The following DLG2 variants were observed in gnomAD, a reference collection of about 807,000 sequenced individuals.
DLG2 encodes disks large homolog 2.
A neutral mutation model predicts 132.5 loss-of-function variants in DLG2; 45 were observed. The ratio of observed to expected loss-of-function variants is 0.34; its 90% CI spans 0.27 to 0.44. DLG2 has a LOEUF of 0.44. Ranked by LOEUF, DLG2 falls within the 20% of genes least tolerant of loss-of-function variation. The pLI is 1.00. For missense variants in DLG2, 1,045 were observed against 1,196.9 expected, an observed-to-expected ratio of 0.87 and a Z score of 1.87; for synonymous variants, 424 against 419.6, an observed-to-expected ratio of 1.01 and a Z score of -0.13.
intron 7 of DLG2, among the ~76,000 whole-genome samples, chr11:84,435,633 T>C (rs1037686703): frequency 2.6e-5 from 4 of 152,162 alleles, no homozygotes; most frequent in African/African-American, 9.7e-5. Context: ...AATTAAATAA[T>C]TTGAACCCTT....
chr11:84,643,505 T>C (rs935974897), intron 6 of DLG2, among the ~76,000 whole-genome samples: 1 of 152,312 alleles, frequency 6.6e-6, no homozygotes, highest in South Asian at 2.1e-4. Flanking sequence ...AAAATCATAA[T>C]GCAGGTTAGT....
At chr11:85,023,400 A>G (rs1309588280) in intron 6 of DLG2, among the ~76,000 whole-genome samples, 1 of 152,078 alleles carries the variant, frequency 6.6e-6, no homozygotes, top group Non-Finnish European at 1.5e-5. Flanking sequence ...TTACCAACTT[A>G]AAATTTGTGT....
chr11:85,296,182 G>A (rs1034679636), intron 3 of DLG2, among the ~76,000 whole-genome samples: 4 of 152,078 alleles, frequency 2.6e-5, no homozygotes, highest in African/African-American at 9.7e-5. Context: ...AATAGACTTT[G>A]GAGGAATCTT....
intron 4 of DLG2, among the ~76,000 whole-genome samples, chr11:85,245,234 A>G (rs1487772607): frequency 1.3e-5 from 2 of 151,960 alleles, no homozygotes; most frequent in African/African-American, 2.4e-5. Context: ...TAAATGTTAC[A>G]TCTTCTGTTG....
intron 22 of DLG2, among the ~76,000 whole-genome samples, chr11:83,482,683 C>T (rs960262631): frequency 2.0e-5 from 3 of 150,730 alleles, no homozygotes; most frequent in African/African-American, 7.4e-5. Flanking sequence ...AAAAAAAAAT[C>T]AAAGTTAATA....
intron 6 of DLG2, among the ~76,000 whole-genome samples, chr11:84,716,428 G>A (rs547690256): frequency 1.1e-4 from 17 of 152,022 alleles, no homozygotes; most frequent in African/African-American, 2.6e-4. Flanking sequence ...AAAGAAGGGA[G>A]ACACACACAC....
chr11:85,592,051 C>T (rs770208253), intron 3 of DLG2, among the ~76,000 whole-genome samples: 6 of 152,204 alleles, frequency 3.9e-5, no homozygotes, highest in Non-Finnish European at 8.8e-5. Context: ...TACAATAAGC[C>T]CATGCTTCTC....
chr11:85,308,606 A>G (rs1208896287), intron 3 of DLG2, among the ~76,000 whole-genome samples: 1 of 152,156 alleles, frequency 6.6e-6, no homozygotes, highest in East Asian at 1.9e-4. Flanking sequence ...TTTGGACCTA[A>G]GTGTAATGAT....
At chr11:83,809,847 C>T (rs1055710145) in intron 17 of DLG2, among the ~76,000 whole-genome samples, 2 of 152,034 alleles carry the variant, frequency 1.3e-5, no homozygotes, top group Admixed American at 6.6e-5. Flanking sequence ...ATGTGAAAAC[C>T]ATGAATATTA....
upstream of DLG2, among the ~76,000 whole-genome samples, chr11:85,628,268 G>A (rs1327964437): frequency 6.6e-6 from 1 of 152,230 alleles, no homozygotes; most frequent in African/African-American, 2.4e-5. Flanking sequence ...CTGCCCTGAG[G>A]AGAGGCAGGA....
chr11:83,865,120 T>C (rs891406924), intron 16 of DLG2, among the ~76,000 whole-genome samples: 1 of 152,190 alleles, frequency 6.6e-6, no homozygotes, highest in African/African-American at 2.4e-5. Flanking sequence ...TGTCTAGACT[T>C]ATTTTCATGA....
rs557841534 is a variant in DLG2 at position 85,001,371 on chromosome 11, T to C, written c.357+110290A>G. Reference sequence around the variant, plus strand: ...CTTGAATAAACCACATTAACAGATATATTATCTTAGAGAGGTAACCCAGCA... The same window carrying C: ...CTTGAATAAACCACATTAACAGATACATTATCTTAGAGAGGTAACCCAGCA... On this transcript the variant is annotated intron_variant, in intron 6 of 27. Transcript: ENST00000376104. Among the ~76,000 whole-genome samples the C allele has an allele frequency of 8.5e-5, 13 of 152,286 alleles. 1 individual carries two copies. The South Asian group carries it at 2.1e-3, about 24-fold the overall frequency.
chr11:83,822,901 G>C (rs1212260466), intron 17 of DLG2, among the ~76,000 whole-genome samples: 3 of 152,098 alleles, frequency 2.0e-5, no homozygotes, highest in African/African-American at 2.4e-5. Context: ...AGGTAAGGGA[G>C]CTTGTCATGA....
intron 7 of DLG2, among the ~76,000 whole-genome samples, chr11:84,271,414 G>C (rs1198083992): frequency 6.6e-6 from 1 of 151,804 alleles, no homozygotes; most frequent in African/African-American, 2.4e-5. Flanking sequence ...GACACATAGG[G>C]GTCTATTCCA....
intron 6 of DLG2, among the ~76,000 whole-genome samples, chr11:84,860,559 C>A (rs140699689): frequency 6.6e-6 from 1 of 152,180 alleles, no homozygotes; most frequent in East Asian, 1.9e-4. Context: ...TCAAAAAGCC[C>A]TGTCATGCAT....
At chr11:84,153,467 G>A (rs1461940195) in intron 9 of DLG2, among the ~76,000 whole-genome samples, 1 of 151,696 alleles carries the variant, frequency 6.6e-6, no homozygotes, top group Non-Finnish European at 1.5e-5. Context: ...CTTCTCTCTT[G>A]GGAATACCAG....
intron 5 of DLG2, among the ~76,000 whole-genome samples, chr11:85,131,562 T>C (rs1177702902): frequency 5.3e-5 from 8 of 152,124 alleles, no homozygotes; most frequent in African/African-American, 2.4e-5. Context: ...CATGAGATGT[T>C]TGGCAATTTT....
chr11:85,377,803 A>ATATATATATATATATGTGTG (rs35141583), intron 3 of DLG2, among the ~76,000 whole-genome samples: 1 of 131,292 alleles, frequency 7.6e-6, no homozygotes, highest in Non-Finnish European at 1.6e-5. Context: ...ATATATATAT[A>ATATATATATATATATGTGTG]TGTGTGTGTG....
chr11:85,250,022 A>C (rs2076322333), intron 4 of DLG2, among the ~76,000 whole-genome samples: 1 of 152,298 alleles, frequency 6.6e-6, no homozygotes, highest in South Asian at 2.1e-4. Context: ...CATGCTAACA[A>C]ATAAATTACA....
Sources: allele counts gnomAD v4.1 joint callset (sites outside exome capture counted in the v4.1 genomes callset), GRCh38; gene constraint gnomAD v4.1.1; transcripts MANE v1.5; gene names NCBI Gene and HGNC (gene_info 2026-07-23, HGNC 2026-07-21).